The following POLA1 variants were observed in gnomAD, a reference collection of about 807,000 sequenced individuals.
POLA1 encodes DNA polymerase alpha catalytic subunit.
A neutral mutation model predicts 124.0 loss-of-function variants in POLA1; 15 were observed. That is an observed-to-expected ratio of 0.12 (90% CI 0.08 to 0.19). The LOEUF is 0.19. Ranked by LOEUF, POLA1 falls within the 10% of genes least tolerant of loss-of-function variation. The probability of loss-of-function intolerance (pLI) is 1.00; values close to 1 mark genes in which losing one functional copy is unlikely to be tolerated. For missense variants in POLA1, 886 were observed against 1,103.4 expected (o/e 0.80, Z 2.79); for synonymous variants, 408 against 389.4 (o/e 1.05, Z -0.56).
chrX:24,810,328 C>T (rs1007072055), intron 27 of POLA1, among the ~76,000 whole-genome samples: 11 of 111,212 alleles, frequency 9.9e-5, no homozygotes, highest in African/African-American at 3.6e-4. Flanking sequence ...ATTATGTTTC[C>T]GCTTCTTAAA....
intron 35 of POLA1, among the ~76,000 whole-genome samples, chrX:24,920,881 CTTTAT>C (rs1436745927): frequency 8.9e-6 from 1 of 112,389 alleles, no homozygotes; most frequent in Non-Finnish European, 1.9e-5. Flanking sequence ...CATATATGGA[CTTTAT>C]TTTATCTTGC....
At chrX:24,847,372 G>A (rs1340878135) in intron 34 of POLA1, among the ~76,000 whole-genome samples, 1 of 112,172 alleles carries the variant, frequency 8.9e-6, no homozygotes, top group African/African-American at 3.2e-5. Flanking sequence ...ACTCAAATAC[G>A]TTCCTAAATT....
rs140251851 is a variant in POLA1 at position 24,746,054 on chromosome X, T to G, written c.2691+512T>G. On this transcript the variant is annotated intron_variant, in intron 24 of 36. Transcript: ENST00000379068. ...CACCACATTTTGTTCTTTTTTGTAA[T>G]TTTTTTTAATACATGGCAGAAGATG... Among the ~76,000 whole-genome samples, 885 of 110,930 alleles carry G rather than the reference T, an allele frequency of 8.0e-3. 6 individuals are homozygous for G. Among genetic ancestry groups the G allele is most frequent in the Non-Finnish European group, 0.013 (666 of 52,654 alleles).
At chrX:24,769,288 C>T (rs1437012108) in intron 26 of POLA1, among the ~76,000 whole-genome samples, 1 of 111,385 alleles carries the variant, frequency 9.0e-6, no homozygotes, top group African/African-American at 3.3e-5. Flanking sequence ...CATTTGTGCT[C>T]TCCCGGTCTC....
intron 12 of POLA1, among the ~76,000 whole-genome samples, chrX:24,725,009 T>C (rs1386250174): frequency 9.0e-6 from 1 of 110,968 alleles, no homozygotes; most frequent in Non-Finnish European, 1.9e-5. Flanking sequence ...TTGCTGAAGA[T>C]AAGGCTAACA....
intron 26 of POLA1, among the ~76,000 whole-genome samples, chrX:24,784,243 G>A (rs2045322785): frequency 9.4e-6 from 1 of 106,694 alleles, no homozygotes. Flanking sequence ...AGTAGAAACG[G>A]GATTTCACCA....
chrX:24,989,230 T>A (rs2048510093), intron 36 of POLA1, among the ~76,000 whole-genome samples: 1 of 111,026 alleles, frequency 9.0e-6, no homozygotes, highest in Admixed American at 9.6e-5. Flanking sequence ...ACAAACACAT[T>A]TCTCACCTTC....
Position 24,693,929 on chromosome X carries a change from G to A in POLA1, c.-33G>A, listed in dbSNP as rs770097400. 2.5e-6 allele frequency: 3 copies of A among 1,179,038 alleles called. No homozygotes were observed. The highest frequency in any genetic ancestry group is 3.5e-5 in the African/African-American group (2 of 56,824). On this transcript the variant is annotated 5_prime_UTR_variant, in exon 1 of 37. Transcript: ENST00000379068. ...GTCTCGGCCCCCGCGCCAGTTTTGG[G>A]CTGGTTGGCGCGGAATCGGGAGATT...
intron 34 of POLA1, among the ~76,000 whole-genome samples, chrX:24,851,927 A>G (rs973638513): frequency 1.8e-5 from 2 of 112,751 alleles, no homozygotes; most frequent in African/African-American, 6.4e-5. Flanking sequence ...ACTTCAAGGA[A>G]CAAAACGGGA....
intron 26 of POLA1, among the ~76,000 whole-genome samples, chrX:24,791,510 C>T (rs756311722): frequency 1.6e-4 from 18 of 111,934 alleles, no homozygotes; most frequent in East Asian, 2.8e-4. Context: ...CTCAGCCTCC[C>T]GAGTAGCTGG....
At chrX:24,780,130 C>T (rs1822873388) in intron 26 of POLA1, among the ~76,000 whole-genome samples, 2 of 112,045 alleles carry the variant, frequency 1.8e-5, no homozygotes, top group South Asian at 3.7e-4. Context: ...CTATGTTCAT[C>T]AGGAGTTCGG....
intron 35 of POLA1, among the ~76,000 whole-genome samples, chrX:24,902,368 T>G (rs1017241687): frequency 3.6e-5 from 4 of 111,824 alleles, no homozygotes; most frequent in Non-Finnish European, 7.5e-5. Context: ...CTACTCTTTC[T>G]CTACATAATC....
chrX:24,953,783 C>G (rs952356001), intron 36 of POLA1, among the ~76,000 whole-genome samples: 3 of 112,201 alleles, frequency 2.7e-5, no homozygotes, highest in African/African-American at 6.5e-5. Context: ...TGTATTTTCT[C>G]TAGAAATTAT....
chrX:24,728,870 C>A (rs1249148159), intron 15 of POLA1, among the ~76,000 whole-genome samples: 1 of 112,174 alleles, frequency 8.9e-6, no homozygotes, highest in South Asian at 3.7e-4. Context: ...TACTGTCTGG[C>A]TCTTGAAAGA....
intron 15 of POLA1, among the ~76,000 whole-genome samples, chrX:24,728,501 A>G (rs758727819): frequency 8.9e-6 from 1 of 112,241 alleles, no homozygotes; most frequent in South Asian, 3.7e-4. Context: ...CAGGATTCAC[A>G]CAAGATTCGC....
chrX:24,841,180 C>T (rs866406464), intron 32 of POLA1, among the ~76,000 whole-genome samples: 1 of 112,228 alleles, frequency 8.9e-6, no homozygotes, highest in Non-Finnish European at 1.9e-5. Flanking sequence ...AACCTACATG[C>T]TGTTAACTAC....
Position 24,732,143 on chromosome X carries a change from C to T in POLA1, c.1687-227C>T, listed in dbSNP as rs148005232. Among the ~76,000 whole-genome samples, 29 of 110,779 alleles carry T rather than the reference C, an allele frequency of 2.6e-4. 1 individual carries two copies. The highest frequency in any genetic ancestry group is 8.9e-4 in the African/African-American group (27 of 30,417). ...CTAAGTACTGTATTTTTAGTAGAGA[C>T]GGGGTTTTACCATGTTGGCCAGGCT... On this transcript the variant is annotated intron_variant, in intron 15 of 36. Transcript: ENST00000379068.
chrX:24,930,441 G>T lies in POLA1; in HGVS notation c.4165-12G>T, dbSNP rs770323588. On this transcript the variant is annotated splice_polypyrimidine_tract_variant and intron_variant, in intron 35 of 36. Transcript: ENST00000379068. ...CAGTAGTAGTATTCATTTATTTTCT[G>T]TTATATTACAGTATTCTGACAAGTC... 5.5e-6 allele frequency: 6 copies of T among 1,087,804 alleles called. No homozygotes were observed. The African/African-American group carries it at 1.1e-4, about 20-fold the overall frequency. 89.6% of individuals were successfully genotyped at this position (1,087,804 alleles called of 1,213,427 possible).
intron 34 of POLA1, among the ~76,000 whole-genome samples, chrX:24,873,553 A>G (rs1024594923): frequency 2.7e-5 from 3 of 112,339 alleles, no homozygotes; most frequent in South Asian, 3.7e-4. Flanking sequence ...GCAGATCTAT[A>G]TGTACTGACA....
Sources: allele counts gnomAD v4.1 joint callset (sites outside exome capture counted in the v4.1 genomes callset), GRCh38; gene constraint gnomAD v4.1.1; transcripts MANE v1.5; gene names NCBI Gene and HGNC (gene_info 2026-07-23, HGNC 2026-07-21).